Variants in POU6F2 observed in about 807,000 individuals in gnomAD.
The protein encoded by POU6F2 is POU class 6 homeobox 2, also known as POU domain, class 6, transcription factor 2.
A neutral mutation model predicts 71.3 loss-of-function variants in POU6F2; 31 were observed. The ratio of observed to expected loss-of-function variants is 0.43; its 90% CI spans 0.33 to 0.59. The LOEUF (loss-of-function observed/expected upper bound fraction) is 0.59, where lower values mean the gene tolerates loss of function less well. Among genes scored for constraint, POU6F2 ranks in the 20% least tolerant of loss-of-function variants. The pLI, the probability that POU6F2 is intolerant of heterozygous loss-of-function variation, is 0.04. For synonymous variants in POU6F2, 347 were observed against 355.7 expected (o/e 0.98, Z 0.27); for missense variants, 783 against 856.8 (o/e 0.91, Z 1.07).
At chr7:39,096,237 T>G (rs962952914) in intron 2 of POU6F2, among the ~76,000 whole-genome samples, 1 of 152,058 alleles carries the variant, frequency 6.6e-6, no homozygotes, top group Non-Finnish European at 1.5e-5. Context: ...AAGTAAATTG[T>G]TTGTCACTTG....
intron 6 of POU6F2, among the ~76,000 whole-genome samples, chr7:39,411,330 CT>C: frequency 1.3e-5 from 2 of 152,282 alleles, no homozygotes; most frequent in South Asian, 4.2e-4. Flanking sequence ...CCTGGTGCCC[CT>C]GGCAATATCT....
At chr7:39,080,278 AGTTT>A (rs1191224503) in intron 1 of POU6F2, among the ~76,000 whole-genome samples, 1 of 152,192 alleles carries the variant, frequency 6.6e-6, no homozygotes, top group South Asian at 2.1e-4. Flanking sequence ...AATAAAAGAA[AGTTT>A]GTTTTTCTTC....
intron 2 of POU6F2, among the ~76,000 whole-genome samples, chr7:39,143,288 C>T (rs1260508747): frequency 6.6e-6 from 1 of 152,148 alleles, no homozygotes; most frequent in Non-Finnish European, 1.5e-5. Flanking sequence ...GCACTATTCT[C>T]TTTGTGGGCA....
chr7:39,255,574 A>C (rs1784004864), intron 4 of POU6F2, among the ~76,000 whole-genome samples: 1 of 152,260 alleles, frequency 6.6e-6, no homozygotes, highest in South Asian at 2.1e-4. Flanking sequence ...GAAATGGAGC[A>C]GAATGCAAAC....
rs75251928 is a variant in POU6F2, at chr7:39,140,777, C to T, written c.277+54746C>T. ...CTCTGTGGGGCGCTATTCTGCCTGCCATGGAGAGGGAGATGGAAAGATCTC... is the reference window on the plus strand; with the variant it reads ...CTCTGTGGGGCGCTATTCTGCCTGCTATGGAGAGGGAGATGGAAAGATCTC... On this transcript the variant is annotated intron_variant, in intron 2 of 9. Transcript: ENST00000518318. 2.9e-4 allele frequency among the ~76,000 whole-genome samples: 44 copies of T among 152,234 alleles called. No homozygotes were observed. The East Asian group carries it at 8.1e-3, about 28-fold the overall frequency.
intron 5 of POU6F2, among the ~76,000 whole-genome samples, chr7:39,375,868 T>C (rs1393731331): frequency 6.6e-6 from 1 of 152,086 alleles, no homozygotes; most frequent in African/African-American, 2.4e-5. Context: ...TTTTTTGTTG[T>C]TGTTGTTGTT....
At chr7:39,357,600 C>A (rs1786287292) in intron 5 of POU6F2, among the ~76,000 whole-genome samples, 1 of 152,180 alleles carries the variant, frequency 6.6e-6, no homozygotes, top group Non-Finnish European at 1.5e-5. Flanking sequence ...ATTATTGGGC[C>A]TTTTACCCCA....
chr7:39,174,538 C>T (rs977674273), intron 2 of POU6F2, among the ~76,000 whole-genome samples: 3 of 152,156 alleles, frequency 2.0e-5, no homozygotes, highest in East Asian at 1.9e-4. Context: ...TCTGCAGTCA[C>T]GTGTGTCTTT....
At chr7:39,396,213 C>G (rs2115852244) in intron 5 of POU6F2, among the ~76,000 whole-genome samples, 1 of 152,318 alleles carries the variant, frequency 6.6e-6, no homozygotes, top group South Asian at 2.1e-4. Flanking sequence ...ATGCTGACCT[C>G]TCTACTTCAA....
intron 1 of POU6F2, among the ~76,000 whole-genome samples, chr7:39,073,029 G>A (rs1043670061): frequency 7.9e-5 from 12 of 152,122 alleles, no homozygotes; most frequent in South Asian, 2.1e-4. Context: ...CTACTAGATG[G>A]TGACTTTTTT....
intron 3 of POU6F2, among the ~76,000 whole-genome samples, chr7:39,206,457 G>A (rs1445407496): frequency 6.6e-6 from 1 of 152,148 alleles, no homozygotes; most frequent in Non-Finnish European, 1.5e-5. Flanking sequence ...AATAACAAAA[G>A]AATTATTTTC....
chr7:39,338,159 A>G (rs1457478439), intron 4 of POU6F2, among the ~76,000 whole-genome samples: 1 of 152,238 alleles, frequency 6.6e-6, no homozygotes, highest in Non-Finnish European at 1.5e-5. Context: ...AAGTCCCTGA[A>G]GTCTGGAACT....
At chr7:39,371,795 G>C (rs1014082750) in intron 5 of POU6F2, among the ~76,000 whole-genome samples, 1 of 152,162 alleles carries the variant, frequency 6.6e-6, no homozygotes, top group African/African-American at 2.4e-5. Flanking sequence ...TTCAACCACG[G>C]GCTCATTGCT....
chr7:39,406,576 C>T (rs770178428), intron 5 of POU6F2, 24 bp from the exon 6 acceptor site: 13 of 1,605,040 alleles, frequency 8.1e-6, no homozygotes, highest in African/African-American at 6.8e-5. Context: ...GTGGTTTTCA[C>T]GGTGATCTTT....
chr7:39,093,771 C>T (rs1311725316), intron 2 of POU6F2, among the ~76,000 whole-genome samples: 1 of 151,968 alleles, frequency 6.6e-6, no homozygotes, highest in Non-Finnish European at 1.5e-5. Context: ...ATTTCCTTAC[C>T]ACTTCCATAC....
chr7:39,276,740 A>G (rs1784447047), intron 4 of POU6F2, among the ~76,000 whole-genome samples: 2 of 152,098 alleles, frequency 1.3e-5, no homozygotes, highest in African/African-American at 4.8e-5. Context: ...TGATGAGTTC[A>G]TGTCCTTTGT....
intron 4 of POU6F2, among the ~76,000 whole-genome samples, chr7:39,314,243 G>C (rs2128767553): frequency 6.6e-6 from 1 of 152,286 alleles, no homozygotes; most frequent in African/African-American, 2.4e-5. Context: ...CTTTCTTGAA[G>C]AGATTTACAA....
chr7:39,103,635 C>T (rs1404352722), intron 2 of POU6F2, among the ~76,000 whole-genome samples: 3 of 152,122 alleles, frequency 2.0e-5, no homozygotes, highest in Non-Finnish European at 4.4e-5. Context: ...TTAGCTTTTT[C>T]CTTGAATTCT....
At chr7:39,202,456 A>G (rs1480453462) in intron 2 of POU6F2, among the ~76,000 whole-genome samples, 1 of 152,196 alleles carries the variant, frequency 6.6e-6, no homozygotes, top group African/African-American at 2.4e-5. Context: ...AAACAACCAA[A>G]TTTTTAAAAA....
Sources: allele counts gnomAD v4.1 joint callset (sites outside exome capture counted in the v4.1 genomes callset), GRCh38; gene constraint gnomAD v4.1.1; transcripts MANE v1.5; gene names NCBI Gene and HGNC (gene_info 2026-07-23, HGNC 2026-07-21).